UNC5D: variants seen among roughly 807,000 people sequenced by gnomAD.
UNC5D encodes the protein unc-5 netrin receptor D, also known as netrin receptor UNC5D.
UNC5D carries 39 observed loss-of-function variants against 105.4 expected under a neutral mutation model. The ratio of observed to expected loss-of-function variants is 0.37; its 90% CI spans 0.29 to 0.48. The LOEUF is 0.48. Ranked by LOEUF, UNC5D falls within the 20% of genes least tolerant of loss-of-function variation. The probability of loss-of-function intolerance (pLI) is 0.98; values close to 1 mark genes in which losing one functional copy is unlikely to be tolerated. For synonymous variants in UNC5D, 452 were observed against 450.4 expected (o/e 1.00, Z -0.04); for missense variants, 991 against 1,202.4 (o/e 0.82, Z 2.60).
chr8:35,734,471 C>T (rs904517670), intron 11 of UNC5D, among the ~76,000 whole-genome samples: 19 of 151,238 alleles, frequency 1.3e-4, no homozygotes, highest in African/African-American at 3.9e-4. Flanking sequence ...AGTGCAATGG[C>T]GTGATCTCGA....
chr8:35,605,621 G>T lies in UNC5D; in HGVS notation c.570+9964G>T, dbSNP rs537754490. 2.0e-3 allele frequency among the ~76,000 whole-genome samples: 303 copies of T among 152,320 alleles called. 1 individual carries two copies. Among genetic ancestry groups the T allele is most frequent in the African/African-American group, 7.0e-3 (292 of 41,580 alleles). On this transcript the variant is annotated intron_variant, in intron 4 of 16. Transcript: ENST00000404895. ...CAGAGGTTATTGCTGTCTTTTGTTTGTCTGTGCCCTGCCCCCAGAGGTGGA... is the reference window on the plus strand; with the variant it reads ...CAGAGGTTATTGCTGTCTTTTGTTTTTCTGTGCCCTGCCCCCAGAGGTGGA...
At chr8:35,490,589 T>C (rs1811149426) in intron 1 of UNC5D, among the ~76,000 whole-genome samples, 2 of 152,140 alleles carry the variant, frequency 1.3e-5, no homozygotes, top group South Asian at 2.1e-4. Flanking sequence ...ATATAGCTTT[T>C]ATATATCAAA....
At chr8:35,674,434 GC>G (rs923615288) in intron 4 of UNC5D, among the ~76,000 whole-genome samples, 45 of 152,112 alleles carry the variant, frequency 3.0e-4, no homozygotes, top group African/African-American at 1.1e-3. Context: ...TATGGTTTAG[GC>G]AAGGTACTTA....
intron 4 of UNC5D, among the ~76,000 whole-genome samples, chr8:35,626,475 A>G (rs1821705980): frequency 6.6e-6 from 1 of 152,210 alleles, no homozygotes; most frequent in Non-Finnish European, 1.5e-5. Context: ...TAAACCATGG[A>G]AACCATGCTC....
chr8:35,601,962 G>A (rs1470688502), intron 4 of UNC5D, among the ~76,000 whole-genome samples: 1 of 152,118 alleles, frequency 6.6e-6, no homozygotes, highest in Non-Finnish European at 1.5e-5. Flanking sequence ...ATTATTTTGA[G>A]ATACGTCCCA....
At chr8:35,681,831 T>C (rs1451231237) in intron 4 of UNC5D, among the ~76,000 whole-genome samples, 4 of 152,242 alleles carry the variant, frequency 2.6e-5, no homozygotes, top group Admixed American at 2.0e-4. Flanking sequence ...TTGGGATATT[T>C]AAGCTCTCAT....
intron 2 of UNC5D, among the ~76,000 whole-genome samples, chr8:35,561,926 G>A (rs1021383561): frequency 1.3e-5 from 2 of 152,176 alleles, no homozygotes; most frequent in East Asian, 3.8e-4. Flanking sequence ...ATATGCAATA[G>A]ATTATCGTTA....
chr8:35,452,833 T>C (rs1271578996), intron 1 of UNC5D, among the ~76,000 whole-genome samples: 4 of 152,292 alleles, frequency 2.6e-5, no homozygotes, highest in African/African-American at 9.6e-5. Context: ...AGGTTTCTAA[T>C]GGAAAGATAA....
At chr8:35,267,005 T>C (rs1804924231) in intron 1 of UNC5D, among the ~76,000 whole-genome samples, 1 of 152,040 alleles carries the variant, frequency 6.6e-6, no homozygotes, top group South Asian at 2.1e-4. Context: ...GATTGAAAGG[T>C]TGGAGACATA....
intron 3 of UNC5D, among the ~76,000 whole-genome samples, chr8:35,593,765 A>G (rs1171718193): frequency 6.6e-6 from 1 of 152,076 alleles, no homozygotes; most frequent in African/African-American, 2.4e-5. Flanking sequence ...TATCTCCAAA[A>G]CAAAACAAAC....
chr8:35,637,564 T>C (rs527986633), intron 4 of UNC5D, among the ~76,000 whole-genome samples: 1 of 152,192 alleles, frequency 6.6e-6, no homozygotes, highest in South Asian at 2.1e-4. Flanking sequence ...CTCTAATGGG[T>C]ATGAGAGTAG....
chr8:35,485,374 G>A (rs1304584068), intron 1 of UNC5D, among the ~76,000 whole-genome samples: 2 of 152,124 alleles, frequency 1.3e-5, no homozygotes, highest in Non-Finnish European at 2.9e-5. Context: ...TCCCTTAAAT[G>A]TATTCATATT....
chr8:35,592,635 G>T (rs1333551758), intron 3 of UNC5D, among the ~76,000 whole-genome samples: 1 of 152,072 alleles, frequency 6.6e-6, no homozygotes, highest in Non-Finnish European at 1.5e-5. Context: ...TCAAAAGTTT[G>T]CCCTCCTTAG....
At chr8:35,550,228 T>TA (rs1315329552) in intron 2 of UNC5D, among the ~76,000 whole-genome samples, 1 of 152,220 alleles carries the variant, frequency 6.6e-6, no homozygotes, top group Non-Finnish European at 1.5e-5. Flanking sequence ...ATAATGCTAT[T>TA]ATTACCTTCT....
intron 1 of UNC5D, chr8:35,525,165 T>C (rs1813775488): frequency 5.6e-6 from 9 of 1,609,062 alleles, no homozygotes; most frequent in Non-Finnish European, 7.6e-6. Context: ...GAGTCCTCCA[T>C]GTGTACGGAC....
intron 1 of UNC5D, among the ~76,000 whole-genome samples, chr8:35,293,240 A>T (rs1011699940): frequency 8.5e-5 from 13 of 152,092 alleles, no homozygotes; most frequent in Non-Finnish European, 1.9e-4. Flanking sequence ...ATGTAGCTTT[A>T]TGGGAATAAA....
chr8:35,615,897 G>T (rs1355443998), intron 4 of UNC5D, among the ~76,000 whole-genome samples: 1 of 152,110 alleles, frequency 6.6e-6, no homozygotes, highest in Non-Finnish European at 1.5e-5. Flanking sequence ...TCTTAAAGTT[G>T]AATATCACTT....
At chr8:35,341,261 G>A (rs1009136449) in intron 1 of UNC5D, among the ~76,000 whole-genome samples, 1 of 151,958 alleles carries the variant, frequency 6.6e-6, no homozygotes, top group African/African-American at 2.4e-5. Context: ...TAGGACACTT[G>A]TCACTCATTT....
chr8:35,644,985 C>T (rs1342744488), intron 4 of UNC5D, among the ~76,000 whole-genome samples: 1 of 152,224 alleles, frequency 6.6e-6, no homozygotes, highest in East Asian at 1.9e-4. Context: ...TCTTTGTCTT[C>T]GTATACCACT....
Sources: allele counts gnomAD v4.1 joint callset (sites outside exome capture counted in the v4.1 genomes callset), GRCh38; gene constraint gnomAD v4.1.1; transcripts MANE v1.5; gene names NCBI Gene and HGNC (gene_info 2026-07-23, HGNC 2026-07-21).